LRFN3: variants seen among roughly 807,000 people sequenced by gnomAD.
LRFN3 encodes leucine rich repeat and fibronectin type III domain containing 3.
A neutral mutation model predicts 23.8 loss-of-function variants in LRFN3; 8 were observed. The observed-to-expected ratio is 0.34, with a 90% CI of 0.20 to 0.61. The LOEUF (loss-of-function observed/expected upper bound fraction) is 0.61. Ranked by LOEUF, LRFN3 falls within the 20% of genes least tolerant of loss-of-function variation. The probability of loss-of-function intolerance (pLI) is 0.80; values close to 1 mark genes in which losing one functional copy is unlikely to be tolerated. For missense variants in LRFN3, 736 were observed against 935.3 expected, an observed-to-expected ratio of 0.79 and a Z score of 2.78; for synonymous variants, 451 against 450.6, an observed-to-expected ratio of 1.00 and a Z score of -0.01.
chr19:35,944,831 G>T lies in LRFN3; in HGVS notation c.1699G>T (p.Gly567Cys). Reference protein sequence around the residue: ...VLLMRYKVHGGQPPGKAKIPA... With the variant: ...VLLMRYKVHGCQPPGKAKIPA... Reference sequence around the variant, plus strand: ...GCTAATGCGCTACAAGGTGCACGGCGGCCAGCCCCCCGGCAAGGCCAAGAT... The same window carrying T: ...GCTAATGCGCTACAAGGTGCACGGCTGCCAGCCCCCCGGCAAGGCCAAGAT... Residue 567 changes from glycine (G) to cysteine (C), a missense_variant, in exon 3 of 3, where the codon GGC becomes TGC. This residue lies in a region of LRFN3 where 290 missense variants were observed against 287.4 expected (regional missense o/e 1.01). Coordinates refer to ENST00000246529, the MANE Select transcript of LRFN3 (RefSeq NM_024509.2). The surrounding 1 kb of genome is among the most constrained non-coding windows in gnomAD (Gnocchi z 4.5). The T allele has an allele frequency of 6.2e-7, 1 of 1,607,492 alleles. No homozygotes were observed. Among genetic ancestry groups the T allele is most frequent in the Non-Finnish European group, 8.5e-7 (1 of 1,179,136 alleles).
In LRFN3 at chr19:35,944,556, C is replaced by G; in HGVS notation, c.1424C>G (p.Pro475Arg). ...ADDILVYRMI[P>R]AESRSFLLTD... is the part of the protein sequence containing the mutation. ...ACCTGCCTGCCCTGCAGGATGATCC[C>G]GGCGGAGAGCCGCTCGTTCCTGCTG... is the stretch of plus-strand genomic sequence containing the variant. The change falls in exon 3 of 3, where the codon CCG becomes CGG. Residue 475 changes from proline to arginine, a missense_variant. This residue lies in a region of LRFN3 where 290 missense variants were observed against 287.4 expected (regional missense o/e 1.01). Transcript: ENST00000246529. This position sits in a 1 kb window ranked among gnomAD's most constrained non-coding sequence, Gnocchi z 4.5. 6.9e-7 allele frequency: 1 copy of G among 1,458,962 alleles called. No individual in the cohort carries two copies. Among genetic ancestry groups the G allele is most frequent in the Non-Finnish European group, 9.0e-7 (1 of 1,110,720 alleles). The allele number at this position is 1,458,962 out of a possible 1,614,324, so 90.4% of individuals were successfully genotyped here. A position where few individuals can be genotyped will look rare whatever the true frequency, so the allele number is the denominator to read the frequency against.
chr19:35,944,933 C>G lies in LRFN3; in HGVS notation c.1801C>G (p.Pro601Ala), dbSNP rs112283421. The stretch of plus-strand genomic sequence containing the variant: ...CACGCCCACGCCCGCCCCGCCCGCC[C>G]CGGAGCCCGCGGCGCTCAGGGCCCA... The part of the protein sequence containing the change: ...GPTPTPAPPA[P>A]EPAALRAHTV... Residue 601 changes from proline to alanine, a missense_variant, in exon 3 of 3, where the codon CCG becomes GCG. Transcript: ENST00000246529. The surrounding 1 kb of genome is among the most constrained non-coding windows in gnomAD (Gnocchi z 4.5). The G allele has an allele frequency of 2.6e-6, 4 of 1,518,442 alleles. No homozygotes were observed. In the East Asian group the frequency reaches 7.3e-5, roughly 28 times the overall value. 94.1% of individuals were successfully genotyped at this position (1,518,442 alleles called of 1,614,324 possible). A position where few individuals can be genotyped will look rare whatever the true frequency, so the allele number is the denominator to read the frequency against.
At chr19:35,941,165 G>A (rs1009803346) in intron 2 of LRFN3, among the ~76,000 whole-genome samples, 1 of 151,684 alleles carries the variant, frequency 6.6e-6, no homozygotes, top group African/African-American at 2.4e-5. Context: ...CAGGCTGCAT[G>A]AGTAAAAAGA....
Position 35,944,687 on chromosome 19 carries a change from T to C in LRFN3, c.1555T>C (p.Ser519Pro). 1 of 1,603,180 alleles carries C rather than the reference T, an allele frequency of 6.2e-7. No homozygotes were observed. The highest frequency in any genetic ancestry group is 8.5e-7 in the Non-Finnish European group (1 of 1,176,586). Residue 519 changes from serine to proline, a missense_variant, in exon 3 of 3, where the codon TCC becomes CCC. By Grantham distance (74) the Ser-to-Pro change is moderately conservative (BLOSUM62 -1). Transcript: ENST00000246529. The surrounding 1 kb of genome is among the most constrained non-coding windows in gnomAD (Gnocchi z 4.5). ...ATRPVGCARF[S>P]TEPALRPCGA... ...GCGGCCTGTGGGCTGCGCCCGCTTC[T>C]CCACCGAACCTGCGCTGCGGCCATG...
In LRFN3 at chr19:35,944,574, T is replaced by G; in HGVS notation, c.1442T>G (p.Phe481Cys). The G allele has an allele frequency of 6.8e-7, 1 of 1,476,508 alleles. No individual in the cohort carries two copies. Among genetic ancestry groups the G allele is most frequent in the Non-Finnish European group, 8.9e-7 (1 of 1,119,036 alleles). 91.5% of individuals were successfully genotyped at this position (1,476,508 alleles called of 1,614,324 possible). A position where few individuals can be genotyped will look rare whatever the true frequency, so the allele number is the denominator to read the frequency against. The stretch of plus-strand genomic sequence containing the variant: ...ATGATCCCGGCGGAGAGCCGCTCGT[T>G]CCTGCTGACGGACCTGGCGTCAGGC... ...YRMIPAESRS[F>C]LLTDLASGRT... The change falls in exon 3 of 3, where the codon TTC (phenylalanine) becomes TGC (cysteine). Residue 481 changes from phenylalanine (F) to cysteine (C), a missense_variant. Around this residue, in one of 2 missense-constraint regions of LRFN3, gnomAD observed 290 missense variants for 287.4 expected, o/e 1.01. Transcript: ENST00000246529. The surrounding 1 kb of genome is among the most constrained non-coding windows in gnomAD (Gnocchi z 4.5).
Position 35,939,726 on chromosome 19 carries a change from G to A in LRFN3, c.301G>A (p.Gly101Ser), listed in dbSNP as rs760444261. ...GAACACCATCCGCCACGTGGCTGCC[G>A]GCGCCTTCGCCGACCTGCGGGCCCT... ...SRNTIRHVAA[G>S]AFADLRALRA... The change falls in exon 2 of 3, where the codon GGC (glycine) becomes AGC (serine). Residue 101 changes from glycine to serine, a missense_variant. This residue lies in a region of LRFN3 where 446 missense variants were observed against 647.9 expected (regional missense o/e 0.69). Coordinates refer to ENST00000246529, the MANE Select transcript of LRFN3 (RefSeq NM_024509.2). The surrounding 1 kb of genome is among the most constrained non-coding windows in gnomAD (Gnocchi z 6.4). 9.4e-6 allele frequency: 15 copies of A among 1,603,506 alleles called. No individual in the cohort carries two copies. Among genetic ancestry groups the A allele is most frequent in the South Asian group, 2.2e-5 (2 of 90,904 alleles).
In LRFN3 at chr19:35,940,443, T is replaced by C; in HGVS notation, c.1018T>C (p.Ser340Pro). Residue 340 changes from serine to proline, a missense_variant, in exon 2 of 3, where the codon TCA becomes CCA. Coordinates refer to ENST00000246529, the MANE Select transcript of LRFN3 (RefSeq NM_024509.2). Reference protein sequence around the residue: ...VSPQGRLLGNSSRARAFPNGT... With the variant: ...VSPQGRLLGNPSRARAFPNGT... ...ACCCCAGGGCCGGCTGCTAGGCAAC[T>C]CAAGCCGTGCCCGCGCCTTCCCCAA... The C allele has an allele frequency of 6.2e-7, 1 of 1,602,378 alleles. No individual in the cohort carries two copies. Among genetic ancestry groups the C allele is most frequent in the Non-Finnish European group, 8.5e-7 (1 of 1,177,918 alleles).
intron 2 of LRFN3, among the ~76,000 whole-genome samples, chr19:35,942,899 C>T (rs564751464): frequency 6.6e-6 from 1 of 152,064 alleles, no homozygotes; most frequent in African/African-American, 2.4e-5. Flanking sequence ...TGTGGTGGCA[C>T]GCGCCTGTAG....
At chr19:35,941,150 G>A (rs992138836) in intron 2 of LRFN3, among the ~76,000 whole-genome samples, 19 of 151,982 alleles carry the variant, frequency 1.3e-4, no homozygotes, top group Admixed American at 9.2e-4. Flanking sequence ...AAGGATAAAC[G>A]AAATCAGGCT....
chr19:35,944,605 C>A lies in LRFN3; in HGVS notation c.1473C>A (p.Thr491=). 6.6e-7 allele frequency: 1 copy of A among 1,514,320 alleles called. No individual in the cohort carries two copies. The highest frequency in any genetic ancestry group is 1.3e-5 in the South Asian group (1 of 77,142). The allele number at this position is 1,514,320 out of a possible 1,614,324, so 93.8% of individuals were successfully genotyped here. ...FLLTDLASGR[T]YDLCVLAVYE... ...TGACGGACCTGGCGTCAGGCCGGAC[C>A]TACGATCTGTGCGTGCTCGCCGTGT... is the stretch of plus-strand genomic sequence containing the variant. Residue 491 remains threonine (T), a synonymous_variant, in exon 3 of 3, where the codon ACC becomes ACA. Coordinates refer to ENST00000246529, the MANE Select transcript of LRFN3 (RefSeq NM_024509.2). This position sits in a 1 kb window ranked among gnomAD's most constrained non-coding sequence, Gnocchi z 4.5.
At position 35,940,037 on chromosome 19, in the gene LRFN3, C is replaced by T; in HGVS notation, c.612C>T (p.His204=). ...CCGCCGGCGCTTTTTCCCGCCTGCA[C>T]AAGCTGGCCCGGCTGGACATGACCT... ...SVPAGAFSRL[H]KLARLDMTSN... The change falls in exon 2 of 3, where the codon CAC becomes CAT. Residue 204 remains histidine, a synonymous_variant. Transcript: ENST00000246529. 2 of 1,612,610 alleles carry T rather than the reference C, an allele frequency of 1.2e-6. No individual in the cohort carries two copies. Among genetic ancestry groups the T allele is most frequent in the Non-Finnish European group, 1.7e-6 (2 of 1,179,800 alleles).
chr19:35,937,618 G>C (rs965019878), intron 1 of LRFN3, 63 bp downstream of exon 1: 1 of 152,702 alleles, frequency 6.5e-6, no homozygotes, highest in Non-Finnish European at 1.5e-5. Flanking sequence ...TGCGGGTTAC[G>C]GTACCAGGTA....
chr19:35,939,109 G>A lies in LRFN3; in HGVS notation c.-16-301G>A, dbSNP rs1307094524. ...CATGTAGCTAGGACCACAGGTGGGC[G>A]CCACCATGCCTAGCTAATTTTTAAA... On this transcript the variant is annotated intron_variant, in intron 1 of 2. Transcript: ENST00000246529. This position sits in a 1 kb window ranked among gnomAD's most constrained non-coding sequence, Gnocchi z 6.4. 4.6e-5 allele frequency among the ~76,000 whole-genome samples: 7 copies of A among 152,232 alleles called. No individual in the cohort carries two copies. The South Asian group carries it at 6.2e-4, about 14-fold the overall frequency.
In LRFN3 at chr19:35,946,047, C is replaced by T. The variant is rs1219525147; in HGVS notation, c.*1028C>T. Among the ~76,000 whole-genome samples the T allele has an allele frequency of 2.0e-5, 3 of 151,848 alleles. No individual in the cohort carries two copies. Among genetic ancestry groups the T allele is most frequent in the Non-Finnish European group, 4.4e-5 (3 of 67,944 alleles). On this transcript the variant is annotated 3_prime_UTR_variant, in exon 3 of 3. Transcript: ENST00000246529. ...GCTGAGGCGGTGGGTTATGGAGCTG[C>T]GGGGCCATGGGGTGGGGCAGGAAGA...
Position 35,939,042 on chromosome 19 carries a change from T to A in LRFN3, c.-16-368T>A, listed in dbSNP as rs140667091. Among the ~76,000 whole-genome samples the A allele has an allele frequency of 2.0e-3, 303 of 152,242 alleles. 3 individuals are homozygous for A. The highest frequency in any genetic ancestry group is 7.1e-3 in the African/African-American group (295 of 41,558). On this transcript the variant is annotated intron_variant, in intron 1 of 2. Transcript: ENST00000246529. The surrounding 1 kb of genome is among the most constrained non-coding windows in gnomAD (Gnocchi z 6.4). The stretch of plus-strand genomic sequence containing the variant: ...GGCGCAATCATAGCTCACTGCAGCC[T>A]CAAATTCTTGGGCTCAAATTGATCC...
rs763695794 is a variant in LRFN3 at position 35,944,568 on chromosome 19, G to C, written c.1436G>C (p.Arg479Pro). ...LVYRMIPAES[R>P]SFLLTDLASG... ...TGCAGGATGATCCCGGCGGAGAGCC[G>C]CTCGTTCCTGCTGACGGACCTGGCG... The change falls in exon 3 of 3, where the codon CGC becomes CCC. Residue 479 changes from arginine (R) to proline (P), a missense_variant. Coordinates refer to ENST00000246529, the MANE Select transcript of LRFN3 (RefSeq NM_024509.2). The surrounding 1 kb of genome is among the most constrained non-coding windows in gnomAD (Gnocchi z 4.5). 3 of 1,469,362 alleles carry C rather than the reference G, an allele frequency of 2.0e-6. No homozygotes were observed. Among genetic ancestry groups the C allele is most frequent in the East Asian group, 5.1e-5 (2 of 39,562 alleles). The allele number at this position is 1,469,362 out of a possible 1,614,324, so 91.0% of individuals were successfully genotyped here. A position where few individuals can be genotyped will look rare whatever the true frequency, so the allele number is the denominator to read the frequency against.
rs150887976 is a variant in LRFN3, at chr19:35,940,237, C to T, written c.812C>T (p.Ala271Val). The change falls in exon 2 of 3, where the codon GCC becomes GTC. Residue 271 changes from alanine to valine, a missense_variant. Around this residue, in one of 2 missense-constraint regions of LRFN3, gnomAD observed 446 missense variants for 647.9 expected, o/e 0.69. Transcript: ENST00000246529. Reference protein sequence around the residue: ...RRLAREDDLEACASPPALGGR... With the variant: ...RRLAREDDLEVCASPPALGGR... ...CTGGCGCGGGAGGACGACCTCGAGG[C>T]CTGCGCGTCCCCACCTGCTCTGGGC... The T allele has an allele frequency of 9.3e-6, 15 of 1,606,712 alleles. No individual in the cohort carries two copies. Among genetic ancestry groups the T allele is most frequent in the African/African-American group, 1.3e-5 (1 of 74,894 alleles).
rs1976065258 is a variant in LRFN3, at chr19:35,937,026, G to T, written c.-546G>T. On this transcript the variant is annotated 5_prime_UTR_variant, in exon 1 of 3. Transcript: ENST00000246529. ...CTGGGCCTGGGACCTTGAAATCTGG[G>T]ACTGGATTTCCAGTACTGTACCCTG... 1 of 152,216 alleles carries T rather than the reference G, an allele frequency of 6.6e-6. No homozygotes were observed. The highest frequency in any genetic ancestry group is 1.5e-5 in the Non-Finnish European group (1 of 68,082). 9.4% of individuals were successfully genotyped at this position (152,216 alleles called of 1,614,324 possible). A position where few individuals can be genotyped will look rare whatever the true frequency, so the allele number is the denominator to read the frequency against.
In LRFN3 at chr19:35,939,362, C is replaced by A; in HGVS notation, c.-16-48C>A. 2 of 1,518,008 alleles carry A rather than the reference C, an allele frequency of 1.3e-6. No individual in the cohort carries two copies. The highest frequency in any genetic ancestry group is 1.2e-5 in the South Asian group (1 of 80,596). The allele number at this position is 1,518,008 out of a possible 1,614,324, so 94.0% of individuals were successfully genotyped here. A position where few individuals can be genotyped will look rare whatever the true frequency, so the allele number is the denominator to read the frequency against. ...CTCCTGGTCTCAGACCACCCCCAGCCCCTGCAGAACCCCTCTTCTGCCCTC... is the reference window on the plus strand; with the variant it reads ...CTCCTGGTCTCAGACCACCCCCAGCACCTGCAGAACCCCTCTTCTGCCCTC... On this transcript the variant is annotated intron_variant, in intron 1 of 2. Coordinates refer to ENST00000246529, the MANE Select transcript of LRFN3 (RefSeq NM_024509.2). The surrounding 1 kb of genome is among the most constrained non-coding windows in gnomAD (Gnocchi z 6.4).
Sources: allele counts gnomAD v4.1 joint callset (sites outside exome capture counted in the v4.1 genomes callset), GRCh38; gene constraint gnomAD v4.1.1; regional missense constraint gnomAD v4.1.1; non-coding constraint Gnocchi (gnomAD v3.1); transcripts MANE v1.5; gene names NCBI Gene and HGNC (gene_info 2026-07-23, HGNC 2026-07-21).